BRSK2: variants seen among roughly 807,000 people sequenced by gnomAD.
BRSK2 encodes serine/threonine-protein kinase BRSK2.
A neutral mutation model predicts 83.3 loss-of-function variants in BRSK2; 19 were observed. That is an observed-to-expected ratio of 0.23 (90% CI 0.16 to 0.33). BRSK2 has a LOEUF of 0.33. Ranked by LOEUF, BRSK2 falls within the 10% of genes least tolerant of loss-of-function variation. BRSK2 has a pLI of 1.00. For missense variants in BRSK2, 798 were observed against 1,042.3 expected (o/e 0.77, Z 3.23); for synonymous variants, 519 against 435.4 (o/e 1.19, Z -2.39).
At position 1,429,541 on chromosome 11, in the gene BRSK2, C is replaced by T. The variant is rs556013170; in HGVS notation, c.92-6499C>T. ...GCATCCTGCTGTGCCCAGCAGTGAG[C>T]GTCTTCTGCGGTCTGGTCAGGTTTT... On this transcript the variant is annotated intron_variant, in intron 1 of 19. Transcript: ENST00000528841. Among the ~76,000 whole-genome samples the T allele has an allele frequency of 3.2e-3, 373 of 116,950 alleles. 15 individuals are homozygous for T. Among genetic ancestry groups the T allele is most frequent in the African/African-American group, 0.012 (347 of 29,324 alleles). 76.7% of individuals were successfully genotyped at this position (116,950 alleles called of 152,430 possible). A position where few individuals can be genotyped will look rare whatever the true frequency, so the allele number is the denominator to read the frequency against.
Position 1,461,179 on chromosome 11 carries a change from C to A in BRSK2, c.*456C>A. ...CCAGGCTCGGGGGAGCCTCCTCCAG[C>A]CCGGCCGACCCGGACTCCCGGTCAC... On this transcript the variant is annotated 3_prime_UTR_variant, in exon 20 of 20. Transcript: ENST00000528841. 1.2e-6 allele frequency: 1 copy of A among 816,312 alleles called. No individual in the cohort carries two copies. Among genetic ancestry groups the A allele is most frequent in the Non-Finnish European group, 1.8e-6 (1 of 543,608 alleles). The allele number at this position is 816,312 out of a possible 1,614,324, so 50.6% of individuals were successfully genotyped here. A position where few individuals can be genotyped will look rare whatever the true frequency, so the allele number is the denominator to read the frequency against.
intron 1 of BRSK2, among the ~76,000 whole-genome samples, chr11:1,428,948 T>G (rs561746300): frequency 6.6e-6 from 1 of 150,958 alleles, no homozygotes; most frequent in Non-Finnish European, 1.5e-5. Flanking sequence ...TGCGTGTGTG[T>G]GCACGGGTGT....
At chr11:1,446,952 G>T (rs1317624989) in intron 12 of BRSK2, among the ~76,000 whole-genome samples, 1 of 152,130 alleles carries the variant, frequency 6.6e-6, no homozygotes, top group African/African-American at 2.4e-5. Flanking sequence ...GAAGCTGTGG[G>T]GAACTGCAAG....
chr11:1,403,163 C>T (rs1425343983), intron 1 of BRSK2, among the ~76,000 whole-genome samples: 5 of 152,064 alleles, frequency 3.3e-5, no homozygotes, highest in Admixed American at 6.5e-5. Context: ...GCCTTATCCT[C>T]GGGGGGTCTG....
At chr11:1,424,653 G>A (rs898483716) in intron 1 of BRSK2, among the ~76,000 whole-genome samples, 1 of 152,180 alleles carries the variant, frequency 6.6e-6, no homozygotes, top group Non-Finnish European at 1.5e-5. Context: ...CAGCCAACAG[G>A]CCATTCCTCC....
intron 1 of BRSK2, among the ~76,000 whole-genome samples, chr11:1,403,809 G>A (rs1319036300): frequency 1.3e-5 from 2 of 152,198 alleles, no homozygotes; most frequent in East Asian, 3.8e-4. Flanking sequence ...CCCCCACAGG[G>A]CCTGTGCAGA....
At chr11:1,398,789 C>G (rs1265135523) in intron 1 of BRSK2, among the ~76,000 whole-genome samples, 3 of 152,108 alleles carry the variant, frequency 2.0e-5, no homozygotes, top group African/African-American at 7.2e-5. Flanking sequence ...TCCCCGCACT[C>G]AAGCTTCCCT....
intron 19 of BRSK2, chr11:1,459,562 G>A: frequency 2.6e-6 from 1 of 390,768 alleles, no homozygotes; most frequent in Non-Finnish European, 4.8e-6. Context: ...TGGCCTAGGG[G>A]AGGGGCCGGT....
At chr11:1,429,437 TA>T in intron 1 of BRSK2, among the ~76,000 whole-genome samples, 1 of 152,256 alleles carries the variant, frequency 6.6e-6, no homozygotes, top group East Asian at 1.9e-4. Context: ...TGCACACACC[TA>T]GGGGTGTACA....
intron 1 of BRSK2, among the ~76,000 whole-genome samples, chr11:1,405,180 CCAGT>C (rs1846783276): frequency 6.6e-6 from 1 of 151,976 alleles, no homozygotes; most frequent in Non-Finnish European, 1.5e-5. Flanking sequence ...CAGCCCTGGG[CCAGT>C]CAGTGGGGCA....
chr11:1,434,781 C>A lies in BRSK2; in HGVS notation c.92-1259C>A, dbSNP rs574241885. On this transcript the variant is annotated intron_variant, in intron 1 of 19. Coordinates refer to ENST00000528841, the MANE Select transcript of BRSK2 (RefSeq NM_001256627.2). ...TGGGGTCCCCTGTGATAACCTGATC[C>A]CCCCATGGTTCCAACATGCCCCAAC... Among the ~76,000 whole-genome samples the A allele has an allele frequency of 5.3e-5, 8 of 152,210 alleles. No homozygotes were observed. The East Asian group carries it at 7.7e-4, about 15-fold the overall frequency.
chr11:1,451,127 G>T (rs907534970), intron 14 of BRSK2, among the ~76,000 whole-genome samples: 1 of 152,262 alleles, frequency 6.6e-6, no homozygotes. Context: ...AGCCAGTGCT[G>T]CTGGAGAAGG....
chr11:1,444,846 T>A, intron 8 of BRSK2, 125 bp from the exon 9 acceptor site: 31 of 580,362 alleles, frequency 5.3e-5, no homozygotes, highest in East Asian at 2.6e-4. Flanking sequence ...TTCCCCCCAC[T>A]CACTTGCCCT....
At chr11:1,424,290 C>T (rs1054065989) in intron 1 of BRSK2, among the ~76,000 whole-genome samples, 6 of 152,074 alleles carry the variant, frequency 3.9e-5, no homozygotes, top group African/African-American at 1.2e-4. Context: ...TGTCCACCTG[C>T]GAGGCCCTCA....
chr11:1,451,331 G>C, intron 14 of BRSK2, 40 bp from the exon 15 acceptor site: 2 of 1,611,472 alleles, frequency 1.2e-6, no homozygotes, highest in Non-Finnish European at 1.7e-6. Context: ...AGGATGGAGC[G>C]GTCACCACGC....
intron 1 of BRSK2, among the ~76,000 whole-genome samples, chr11:1,435,826 C>T (rs915499998): frequency 2.6e-5 from 4 of 151,702 alleles, no homozygotes; most frequent in African/African-American, 9.7e-5. Context: ...AAAGGGCCGG[C>T]GTGGAGGGAA....
chr11:1,400,503 C>T (rs1008594700), intron 1 of BRSK2, among the ~76,000 whole-genome samples: 1 of 152,218 alleles, frequency 6.6e-6, no homozygotes. Flanking sequence ...CCCTGTATAG[C>T]GGCCGTGGGT....
At chr11:1,394,380 G>GT (rs1845926765) in intron 1 of BRSK2, among the ~76,000 whole-genome samples, 1 of 93,402 alleles carries the variant, frequency 1.1e-5, no homozygotes, top group African/African-American at 5.6e-5. Flanking sequence ...ATGGAGATGG[G>GT]CCATGGAGAT....
intron 1 of BRSK2, among the ~76,000 whole-genome samples, chr11:1,393,219 G>A (rs2134005846): frequency 6.6e-6 from 1 of 152,296 alleles, no homozygotes; most frequent in African/African-American, 2.4e-5. Context: ...AGGGTGTGTG[G>A]CACGGGCTGG....
Sources: gnomAD v4.1 joint callset for allele counts (sites outside exome capture counted in the v4.1 genomes callset) on GRCh38, gnomAD v4.1.1 for gene constraint, MANE v1.5 for transcripts, NCBI Gene and HGNC (gene_info 2026-07-23, HGNC 2026-07-21) for gene names.